Variants in FBXW2 observed in about 807,000 individuals in gnomAD.
FBXW2 encodes the protein F-box and WD repeat domain containing 2, also known as F-box/WD repeat-containing protein 2.
Under a neutral mutation model 46.0 loss-of-function variants are expected in FBXW2, and 12 were observed. The observed-to-expected ratio is 0.26, with a 90% CI of 0.17 to 0.42. FBXW2 has a LOEUF of 0.42. FBXW2 is among the 10% of genes least tolerant of loss of function. FBXW2 has a pLI of 1.00. For synonymous variants in FBXW2, 203 were observed against 209.6 expected (o/e 0.97, Z 0.27); for missense variants, 360 against 537.0 (o/e 0.67, Z 3.26).
rs959219974 is a variant in FBXW2 at position 120,778,233 on chromosome 9, A to G, written c.685+118T>C. The G allele has an allele frequency of 6.7e-6, 6 of 895,646 alleles. No individual in the cohort carries two copies. The African/African-American group carries it at 1.0e-4, about 15-fold the overall frequency. 55.5% of individuals were successfully genotyped at this position (895,646 alleles called of 1,614,324 possible). On this transcript the variant is annotated intron_variant, in intron 4 of 7. Coordinates refer to ENST00000608872, the MANE Select transcript of FBXW2 (RefSeq NM_012164.4). ...TAAAGGGAAATAACTGCAATGACTA[A>G]GAAAGAGGGTTGAAAAAAGCAGGTT...
In FBXW2 at chr9:120,764,857, T is replaced by A. The variant is rs919991916; in HGVS notation, c.1077-10A>T. 1 of 1,562,362 alleles carries A rather than the reference T, an allele frequency of 6.4e-7. No homozygotes were observed. Among genetic ancestry groups the A allele is most frequent in the Non-Finnish European group, 8.7e-7 (1 of 1,151,516 alleles). ...AGGAGTCTTGATGACCCTACAAGGA[T>A]GAGAGTTAGGGACTGTGAAAGAAGG... is the stretch of plus-strand genomic sequence containing the variant. On this transcript the variant is annotated splice_polypyrimidine_tract_variant and intron_variant, in intron 7 of 7. Coordinates refer to ENST00000608872, the MANE Select transcript of FBXW2 (RefSeq NM_012164.4).
chr9:120,793,359 C>G lies in FBXW2; in HGVS notation c.-135G>C, dbSNP rs913680491. 2.5e-6 allele frequency: 1 copy of G among 402,598 alleles called. No individual in the cohort carries two copies. Among genetic ancestry groups the G allele is most frequent in the Non-Finnish European group, 4.4e-6 (1 of 228,444 alleles). The allele number at this position is 402,598 out of a possible 1,614,324, so 24.9% of individuals were successfully genotyped here. A position where few individuals can be genotyped will look rare whatever the true frequency, so the allele number is the denominator to read the frequency against. On this transcript the variant is annotated 5_prime_UTR_variant, in exon 1 of 8. Transcript: ENST00000608872. ...GCCCCGCCTCGCATACAGACCCGGACCTGCGGCCGCTGCTCCCGGTCCGCA... is the reference window on the plus strand; with the variant it reads ...GCCCCGCCTCGCATACAGACCCGGAGCTGCGGCCGCTGCTCCCGGTCCGCA...
rs1564447921 is a variant in FBXW2, at chr9:120,764,278, A to C, written c.*281T>G. On this transcript the variant is annotated 3_prime_UTR_variant, in exon 8 of 8. Transcript: ENST00000608872. Reference sequence around the variant, plus strand: ...ACTTAAAACCAATACTCCACTCAAGAAAGATGAACCCAAAATGCATCCTCT... The same window carrying C: ...ACTTAAAACCAATACTCCACTCAAGCAAGATGAACCCAAAATGCATCCTCT... The C allele has an allele frequency of 2.4e-6, 1 of 420,564 alleles. No individual in the cohort carries two copies. 26.1% of individuals were successfully genotyped at this position (420,564 alleles called of 1,614,324 possible).
chr9:120,766,851 A>G (rs542085773), intron 7 of FBXW2, among the ~76,000 whole-genome samples: 36 of 152,350 alleles, frequency 2.4e-4, no homozygotes, highest in African/African-American at 8.7e-4. Flanking sequence ...TGAGTCATAC[A>G]GCTAACATAA....
chr9:120,769,911 T>C (rs1039081264), intron 7 of FBXW2, among the ~76,000 whole-genome samples: 1 of 152,220 alleles, frequency 6.6e-6, no homozygotes, highest in Non-Finnish European at 1.5e-5. Context: ...TATCAATCAT[T>C]TCTATAACTG....
chr9:120,760,139 G>A lies in FBXW2; in HGVS notation c.*4420C>T, dbSNP rs554910093. 6.6e-6 allele frequency: 1 copy of A among 152,402 alleles called. No homozygotes were observed. The highest frequency in any genetic ancestry group is 6.5e-5 in the Admixed American group (1 of 15,308). The allele number at this position is 152,402 out of a possible 1,614,324, so 9.4% of individuals were successfully genotyped here. A position where few individuals can be genotyped will look rare whatever the true frequency, so the allele number is the denominator to read the frequency against. ...CCAAGCGAAAGCACCAGCGTAACCA[G>A]GTAGGAGGGCTGTGTCAAGAAGACG... is the stretch of plus-strand genomic sequence containing the variant. On this transcript the variant is annotated 3_prime_UTR_variant, in exon 8 of 8. Transcript: ENST00000608872.
At position 120,785,661 on chromosome 9, in the gene FBXW2, G is replaced by C. The variant is rs186307110; in HGVS notation, c.490+2108C>G. ...TTAAATTGAGTCTGGTGAGACTCCT[G>C]AGGGAGAAGCAAGTTACTTAACACT... On this transcript the variant is annotated intron_variant, in intron 3 of 7. Coordinates refer to ENST00000608872, the MANE Select transcript of FBXW2 (RefSeq NM_012164.4). 2.0e-5 allele frequency among the ~76,000 whole-genome samples: 3 copies of C among 152,246 alleles called. No individual in the cohort carries two copies. The East Asian group carries it at 5.8e-4, about 29-fold the overall frequency.
chr9:120,760,074 C>G lies in FBXW2; in HGVS notation c.*4485G>C, dbSNP rs2044174173. ...GAATCTGTTCTTTTCATCAGACATT[C>G]TGAGGACAGCATAATTCTCAAGTGT... On this transcript the variant is annotated 3_prime_UTR_variant, in exon 8 of 8. Coordinates refer to ENST00000608872, the MANE Select transcript of FBXW2 (RefSeq NM_012164.4). 6.6e-6 allele frequency: 1 copy of G among 152,258 alleles called. No individual in the cohort carries two copies. Among genetic ancestry groups the G allele is most frequent in the Admixed American group, 6.5e-5 (1 of 15,284 alleles). 9.4% of individuals were successfully genotyped at this position (152,258 alleles called of 1,614,324 possible).
chr9:120,787,281 G>A (rs779038879), intron 3 of FBXW2, among the ~76,000 whole-genome samples: 27 of 152,086 alleles, frequency 1.8e-4, no homozygotes, highest in Non-Finnish European at 2.8e-4. Flanking sequence ...CACCCGCCTC[G>A]GCTTCCCAAA....
At chr9:120,786,156 C>A (rs1049314489) in intron 3 of FBXW2, among the ~76,000 whole-genome samples, 12 of 150,528 alleles carry the variant, frequency 8.0e-5, no homozygotes, top group African/African-American at 2.9e-4. Flanking sequence ...AAAACAGAAA[C>A]AATCTGAATA....
At chr9:120,789,925 G>T (rs1330531584) in intron 2 of FBXW2, among the ~76,000 whole-genome samples, 2 of 152,150 alleles carry the variant, frequency 1.3e-5, no homozygotes, top group Non-Finnish European at 2.9e-5. Flanking sequence ...CAAAGTTTGG[G>T]CTAGAGAAGA....
Position 120,759,156 on chromosome 9 carries a change from T to C in FBXW2, c.*5403A>G, listed in dbSNP as rs2044160044. On this transcript the variant is annotated 3_prime_UTR_variant, in exon 8 of 8. Transcript: ENST00000608872. The stretch of plus-strand genomic sequence containing the variant: ...CATTGGTTGGATAAAATGTCTGAAG[T>C]GGTTGGGGGGAAAGCAAGACAAAGT... 1 of 152,132 alleles carries C rather than the reference T, an allele frequency of 6.6e-6. No homozygotes were observed. Among genetic ancestry groups the C allele is most frequent in the Non-Finnish European group, 1.5e-5 (1 of 68,016 alleles). 9.4% of individuals were successfully genotyped at this position (152,132 alleles called of 1,614,324 possible).
chr9:120,792,453 C>T (rs1455964677), intron 2 of FBXW2: 1 of 153,108 alleles, frequency 6.5e-6, no homozygotes, highest in East Asian at 1.9e-4. Context: ...ACCCTGGTTG[C>T]CTCCAGAGAG....
intron 6 of FBXW2, among the ~76,000 whole-genome samples, chr9:120,772,329 C>T (rs2044395609): frequency 6.6e-6 from 1 of 151,912 alleles, no homozygotes; most frequent in Admixed American, 6.6e-5. Flanking sequence ...CCCATCTCTA[C>T]TAAAAATACA....
Position 120,760,050 on chromosome 9 carries a change from A to C in FBXW2, c.*4509T>G, listed in dbSNP as rs1292830838. 2 of 152,194 alleles carry C rather than the reference A, an allele frequency of 1.3e-5. No individual in the cohort carries two copies. Among genetic ancestry groups the C allele is most frequent in the African/African-American group, 4.8e-5 (2 of 41,442 alleles). The allele number at this position is 152,194 out of a possible 1,614,324, so 9.4% of individuals were successfully genotyped here. ...TAATGGGCATTGTGTCAAAAAAGTG[A>C]ATCTGTTCTTTTCATCAGACATTCT... On this transcript the variant is annotated 3_prime_UTR_variant, in exon 8 of 8. Coordinates refer to ENST00000608872, the MANE Select transcript of FBXW2 (RefSeq NM_012164.4).
At chr9:120,770,055 C>T (rs539397250) in intron 7 of FBXW2, among the ~76,000 whole-genome samples, 15 of 152,270 alleles carry the variant, frequency 9.9e-5, no homozygotes, top group South Asian at 2.1e-4. Flanking sequence ...CAGATCCACA[C>T]GAGCTGACCT....
chr9:120,784,216 T>TA (rs1416057036), intron 3 of FBXW2, among the ~76,000 whole-genome samples: 4 of 152,148 alleles, frequency 2.6e-5, no homozygotes, highest in Non-Finnish European at 4.4e-5. Context: ...TCCAGGTAGT[T>TA]AGAGAATTCA....
chr9:120,792,884 CA>C lies in FBXW2; in HGVS notation c.-21+264del, dbSNP rs779014007. 1.4e-4 allele frequency: 218 copies of C among 1,516,858 alleles called. 1 individual carries two copies. Among genetic ancestry groups the C allele is most frequent in the Non-Finnish European group, 1.8e-4 (207 of 1,135,164 alleles). The allele number at this position is 1,516,858 out of a possible 1,614,324, so 94.0% of individuals were successfully genotyped here. A position where few individuals can be genotyped will look rare whatever the true frequency, so the allele number is the denominator to read the frequency against. ...TACTTCAAGCAGCACCCCACATACA[CA>C]CCTGTTTTCATGGCATACCCACAAT... On this transcript the variant is annotated intron_variant, in intron 2 of 7. Coordinates refer to ENST00000608872, the MANE Select transcript of FBXW2 (RefSeq NM_012164.4).
In FBXW2 at chr9:120,762,097, T is replaced by C. The variant is rs1261781737; in HGVS notation, c.*2462A>G. 1.3e-5 allele frequency: 2 copies of C among 152,316 alleles called. No individual in the cohort carries two copies. The highest frequency in any genetic ancestry group is 2.9e-5 in the Non-Finnish European group (2 of 68,160). The allele number at this position is 152,316 out of a possible 1,614,324, so 9.4% of individuals were successfully genotyped here. On this transcript the variant is annotated 3_prime_UTR_variant, in exon 8 of 8. Transcript: ENST00000608872. ...GCTCACGCCTGTAATCCCAGCACTT[T>C]GGGAGGCCAAGGCAGGTGGATGACC...
Sources: gnomAD v4.1 joint callset for allele counts (sites outside exome capture counted in the v4.1 genomes callset) on GRCh38, gnomAD v4.1.1 for gene constraint, MANE v1.5 for transcripts, NCBI Gene and HGNC (gene_info 2026-07-23, HGNC 2026-07-21) for gene names.